The following ASIC2 variants were observed in gnomAD, a reference collection of about 807,000 sequenced individuals.
ASIC2 encodes the protein acid sensing ion channel subunit 2.
In ASIC2, 25 loss-of-function variants were observed where a neutral mutation model predicts 57.3. That is an observed-to-expected ratio of 0.44 (90% CI 0.32 to 0.61). The LOEUF is 0.61. Among genes scored for constraint, ASIC2 ranks in the 20% least tolerant of loss-of-function variants. The probability of loss-of-function intolerance (pLI) is 0.06; values close to 1 mark genes in which losing one functional copy is unlikely to be tolerated. For synonymous variants in ASIC2, 319 were observed against 307.5 expected (o/e 1.04, Z -0.39); for missense variants, 641 against 738.1 (o/e 0.87, Z 1.52).
intron 1 of ASIC2, among the ~76,000 whole-genome samples, chr17:34,087,453 C>T (rs1910153263): frequency 1.3e-5 from 2 of 152,140 alleles, no homozygotes; most frequent in African/African-American, 2.4e-5. Context: ...CCCGACCTTT[C>T]TCTCTGGCTG....
chr17:33,750,138 G>A (rs1910383894), intron 1 of ASIC2, among the ~76,000 whole-genome samples: 1 of 152,018 alleles, frequency 6.6e-6, no homozygotes, highest in South Asian at 2.1e-4. Flanking sequence ...TGATGTGTGG[G>A]TGTGCAGGGT....
At chr17:34,067,675 G>C (rs554719879) in intron 1 of ASIC2, among the ~76,000 whole-genome samples, 1 of 152,300 alleles carries the variant, frequency 6.6e-6, no homozygotes, top group Non-Finnish European at 1.5e-5. Flanking sequence ...ATAGGATTGA[G>C]TAAATAAATT....
At chr17:34,091,515 G>A (rs1910330004) in intron 1 of ASIC2, among the ~76,000 whole-genome samples, 1 of 152,272 alleles carries the variant, frequency 6.6e-6, no homozygotes, top group Admixed American at 6.5e-5. Context: ...GAACTGGGGA[G>A]TGGGAGAATC....
At chr17:33,102,713 C>G (rs1157958234) in intron 2 of ASIC2, among the ~76,000 whole-genome samples, 39 of 152,156 alleles carry the variant, frequency 2.6e-4, no homozygotes, top group Non-Finnish European at 2.9e-5. Context: ...GAGATGTTCT[C>G]AGTTCCAATC....
intron 1 of ASIC2, among the ~76,000 whole-genome samples, chr17:33,948,725 T>C (rs1292078604): frequency 6.6e-6 from 1 of 152,236 alleles, no homozygotes; most frequent in Non-Finnish European, 1.5e-5. Context: ...TTTGAGCATC[T>C]GTAAGGAAGA....
intron 3 of ASIC2, among the ~76,000 whole-genome samples, chr17:33,037,587 G>A (rs543896092): frequency 2.2e-4 from 34 of 152,144 alleles, no homozygotes; most frequent in African/African-American, 6.3e-4. Flanking sequence ...TTGTTTATCC[G>A]GGTAAGCAAA....
chr17:33,333,457 T>C (rs1907394320), intron 1 of ASIC2, among the ~76,000 whole-genome samples: 1 of 152,174 alleles, frequency 6.6e-6, no homozygotes, highest in Admixed American at 6.5e-5. Flanking sequence ...GTAAAATATG[T>C]GAAGAAAAGA....
chr17:33,527,041 G>A (rs17249591), intron 1 of ASIC2, among the ~76,000 whole-genome samples: 10,587 of 152,152 alleles, frequency 0.07, 582 homozygotes, highest in East Asian at 0.29. Context: ...GTTTCTGGTC[G>A]GAGCCCCCAT....
rs902405148 is a variant in ASIC2 at position 33,980,337 on chromosome 17, T to C, written c.555+175641A>G. 2.6e-5 allele frequency among the ~76,000 whole-genome samples: 4 copies of C among 152,100 alleles called. No homozygotes were observed. In the South Asian group the frequency reaches 6.2e-4, roughly 24 times the overall value. ...ATGAGGGCTGGCCTTTGTGTCTCCA[T>C]CTCTACCACTTGACCAGGATCAAAG... On this transcript the variant is annotated intron_variant, in intron 1 of 9. Transcript: ENST00000359872.
At chr17:33,841,931 A>G (rs1913449215) in intron 1 of ASIC2, among the ~76,000 whole-genome samples, 2 of 152,082 alleles carry the variant, frequency 1.3e-5, no homozygotes, top group African/African-American at 4.8e-5. Context: ...GAGCCGCCTT[A>G]TATACGGAGA....
intron 1 of ASIC2, among the ~76,000 whole-genome samples, chr17:33,255,892 C>T (rs1267436450): frequency 2.0e-5 from 3 of 152,046 alleles, no homozygotes; most frequent in Non-Finnish European, 4.4e-5. Context: ...TGCAAGAATG[C>T]TACAAATAAT....
chr17:33,632,143 A>G (rs190035461), intron 1 of ASIC2, among the ~76,000 whole-genome samples: 52 of 152,296 alleles, frequency 3.4e-4, no homozygotes, highest in Admixed American at 3.2e-3. Flanking sequence ...CAGTTTTCTC[A>G]TCTGGAAGAT....
intron 1 of ASIC2, among the ~76,000 whole-genome samples, chr17:33,694,268 T>C (rs1334233865): frequency 6.6e-6 from 1 of 152,196 alleles, no homozygotes; most frequent in East Asian, 1.9e-4. Flanking sequence ...ACTTGAGTTC[T>C]TCATATGAAA....
At chr17:33,366,469 T>A (rs1238166720) in intron 1 of ASIC2, among the ~76,000 whole-genome samples, 1 of 152,216 alleles carries the variant, frequency 6.6e-6, no homozygotes, top group African/African-American at 2.4e-5. Context: ...TCTCTCGTCA[T>A]ATTCTCCTGG....
intron 1 of ASIC2, among the ~76,000 whole-genome samples, chr17:33,465,455 C>T (rs555586096): frequency 6.8e-6 from 1 of 147,970 alleles, no homozygotes; most frequent in South Asian, 2.2e-4. Context: ...TCACTACAAC[C>T]TCCGCCTGCC....
chr17:33,176,946 C>T (rs1450324835), intron 1 of ASIC2, among the ~76,000 whole-genome samples: 1 of 152,202 alleles, frequency 6.6e-6, no homozygotes, highest in African/African-American at 2.4e-5. Context: ...GGATTTGCAG[C>T]AAGACCTGCA....
At chr17:33,364,705 C>A (rs1247782879) in intron 1 of ASIC2, among the ~76,000 whole-genome samples, 1 of 152,206 alleles carries the variant, frequency 6.6e-6, no homozygotes, top group East Asian at 1.9e-4. Context: ...CCTGTGGAAC[C>A]ATGAGCTGAT....
intron 1 of ASIC2, among the ~76,000 whole-genome samples, chr17:33,951,757 AT>A (rs11418012): frequency 0.19 from 25,482 of 135,540 alleles, 2,463 homozygotes; most frequent in East Asian, 0.28. Flanking sequence ...TAATTTTTGT[AT>A]TTTTTTTTTT....
chr17:33,013,886 A>T lies in ASIC2; in HGVS notation c.*79T>A. 1 of 1,282,362 alleles carries T rather than the reference A, an allele frequency of 7.8e-7. No homozygotes were observed. The highest frequency in any genetic ancestry group is 1.1e-6 in the Non-Finnish European group (1 of 901,896). The allele number at this position is 1,282,362 out of a possible 1,614,324, so 79.4% of individuals were successfully genotyped here. A position where few individuals can be genotyped will look rare whatever the true frequency, so the allele number is the denominator to read the frequency against. On this transcript the variant is annotated 3_prime_UTR_variant, in exon 10 of 10. Coordinates refer to ENST00000225823, the MANE Select transcript of ASIC2 (RefSeq NM_183377.2). The stretch of plus-strand genomic sequence containing the variant: ...TTCTTTCCAGCACTGGGGCCATCCC[A>T]CCTGAGCTTGCTGTTCCTTGTCCTG...
Sources: gnomAD v4.1 joint callset for allele counts (sites outside exome capture counted in the v4.1 genomes callset) on GRCh38, gnomAD v4.1.1 for gene constraint, MANE v1.5 for transcripts, NCBI Gene and HGNC (gene_info 2026-07-23, HGNC 2026-07-21) for gene names.